Variants in RTN3 observed in about 807,000 individuals in gnomAD.
RTN3 encodes reticulon-3.
A neutral mutation model predicts 77.8 loss-of-function variants in RTN3; 49 were observed. The ratio of observed to expected loss-of-function variants is 0.63; its 90% CI spans 0.50 to 0.80. The LOEUF (loss-of-function observed/expected upper bound fraction) is 0.80, where lower values mean the gene tolerates loss of function less well. Among genes scored for constraint, RTN3 ranks in the 30% least tolerant of loss-of-function variants. RTN3 has a pLI of 0.00. For synonymous variants in RTN3, 464 were observed against 446.9 expected, an observed-to-expected ratio of 1.04 and a Z score of -0.48; for missense variants, 1,236 against 1,211.9, an observed-to-expected ratio of 1.02 and a Z score of -0.29.
chr11:63,744,714 G>C (rs2013696229), intron 3 of RTN3, among the ~76,000 whole-genome samples: 1 of 152,102 alleles, frequency 6.6e-6, no homozygotes, highest in Non-Finnish European at 1.5e-5. Flanking sequence ...AGTTTCTGCT[G>C]GTCGCTGTGG....
At chr11:63,734,605 A>G (rs763117465) in intron 3 of RTN3, among the ~76,000 whole-genome samples, 2 of 151,198 alleles carry the variant, frequency 1.3e-5, no homozygotes, top group African/African-American at 2.4e-5. Context: ...GGTGGCACAC[A>G]CCTGTAATCC....
intron 3 of RTN3, among the ~76,000 whole-genome samples, chr11:63,748,661 C>CTTTTTT: frequency 9.4e-6 from 1 of 105,882 alleles, no homozygotes; most frequent in Non-Finnish European, 1.9e-5. Context: ...GCCCCACTCA[C>CTTTTTT]TTTTTTTTTT....
At chr11:63,743,609 G>A (rs2013615690) in intron 3 of RTN3, among the ~76,000 whole-genome samples, 1 of 152,046 alleles carries the variant, frequency 6.6e-6, no homozygotes, top group Non-Finnish European at 1.5e-5. Flanking sequence ...CTAAATTTTT[G>A]TTAAGAATTT....
chr11:63,749,609 T>C (rs1464162889), intron 3 of RTN3, among the ~76,000 whole-genome samples: 1 of 152,218 alleles, frequency 6.6e-6, no homozygotes, highest in Non-Finnish European at 1.5e-5. Flanking sequence ...CCCGGTGTAT[T>C]TCCATAGCTG....
In RTN3 at chr11:63,687,910, A is replaced by G. The variant is rs185927194; in HGVS notation, c.142+6132A>G. Among the ~76,000 whole-genome samples the G allele has an allele frequency of 2.5e-3, 378 of 152,218 alleles. 6 individuals carry two copies. The highest frequency in any genetic ancestry group is 0.023 in the Admixed American group (348 of 15,296). On this transcript the variant is annotated intron_variant, in intron 1 of 8. Transcript: ENST00000377819. ...TGTTATGCCTTTTTTCCCTTTCCAC[A>G]TGTGAGTCAGTTGTTTCAGTTTGTG... is the stretch of plus-strand genomic sequence containing the variant.
chr11:63,742,570 T>C lies in RTN3; in HGVS notation c.2531-7421T>C, dbSNP rs534840448. On this transcript the variant is annotated intron_variant, in intron 3 of 8. Transcript: ENST00000377819. ...CTCAGGCAGGAGAGTCGCTTGAACCTGGATGCGGAGGTTGCATTGAGCCGA... is the reference window on the plus strand; with the variant it reads ...CTCAGGCAGGAGAGTCGCTTGAACCCGGATGCGGAGGTTGCATTGAGCCGA... 3.4e-4 allele frequency among the ~76,000 whole-genome samples: 51 copies of C among 151,834 alleles called. 1 individual carries two copies. Among genetic ancestry groups the C allele is most frequent in the African/African-American group, 1.2e-3 (50 of 41,478 alleles).
At chr11:63,752,711 GA>G in intron 5 of RTN3, 66 bp downstream of exon 5, 7 of 1,521,856 alleles carry the variant, frequency 4.6e-6, no homozygotes, top group Non-Finnish European at 6.3e-6. Flanking sequence ...TAATTTGGAG[GA>G]AAAACAGTAC....
intron 3 of RTN3, among the ~76,000 whole-genome samples, chr11:63,727,008 G>A (rs1194086192): frequency 6.6e-6 from 1 of 152,112 alleles, no homozygotes; most frequent in African/African-American, 2.4e-5. Flanking sequence ...TGGGCAGCAT[G>A]GTGAAACCCC....
intron 3 of RTN3, among the ~76,000 whole-genome samples, chr11:63,722,732 G>C (rs546207417): frequency 6.6e-6 from 1 of 152,320 alleles, no homozygotes; most frequent in South Asian, 2.1e-4. Context: ...GCTGTGTCTA[G>C]AAGTATGACT....
At chr11:63,721,574 CAAAA>C (rs768609092) in intron 3 of RTN3, among the ~76,000 whole-genome samples, 3 of 55,510 alleles carry the variant, frequency 5.4e-5, no homozygotes, top group Admixed American at 2.0e-4. Flanking sequence ...GACTCTGTCT[CAAAA>C]AAAAAAAAAA....
Position 63,694,164 on chromosome 11 carries a change from TATTA to T in RTN3, c.143-10678_143-10675del, listed in dbSNP as rs577951042. Among the ~76,000 whole-genome samples, 454 of 152,106 alleles carry T rather than the reference TATTA, an allele frequency of 3.0e-3. 2 individuals carry two copies. The highest frequency in any genetic ancestry group is 0.011 in the African/African-American group (443 of 41,488). ...TATTAAGATATATTTGTAACCAGTT[TATTA>T]ATTAATTATGGTTTTTTTTTTTTCT... is the stretch of plus-strand genomic sequence containing the variant. On this transcript the variant is annotated intron_variant, in intron 1 of 8. Transcript: ENST00000377819.
intron 3 of RTN3, among the ~76,000 whole-genome samples, chr11:63,737,491 C>T (rs970676026): frequency 1.3e-5 from 2 of 152,012 alleles, no homozygotes; most frequent in East Asian, 3.9e-4. Flanking sequence ...GCACCCGTAG[C>T]CCCAGCTGTT....
At chr11:63,714,023 A>G (rs1398511277) in intron 2 of RTN3, 1 of 518,656 alleles carries the variant, frequency 1.9e-6, no homozygotes, top group East Asian at 5.4e-5. Context: ...ACCAATTGGA[A>G]GAGTCTTTGC....
intron 7 of RTN3, 42 bp from the exon 8 acceptor site, chr11:63,756,070 T>C: frequency 7.0e-7 from 1 of 1,423,360 alleles, no homozygotes; most frequent in South Asian, 1.1e-5. Flanking sequence ...AAATTGGTGA[T>C]CTGTATGTTA....
chr11:63,751,767 A>T (rs552605394), intron 4 of RTN3, among the ~76,000 whole-genome samples: 4 of 152,302 alleles, frequency 2.6e-5, no homozygotes, highest in African/African-American at 9.6e-5. Flanking sequence ...TGAGGCAGGC[A>T]GATCGCTTGA....
chr11:63,686,040 T>A (rs960411839), intron 1 of RTN3, among the ~76,000 whole-genome samples: 2 of 152,050 alleles, frequency 1.3e-5, no homozygotes, highest in Non-Finnish European at 2.9e-5. Flanking sequence ...AAATTTGAGG[T>A]TGAGGTAAAA....
Position 63,719,303 on chromosome 11 carries a change from G to A in RTN3, c.801G>A (p.Glu267=), listed in dbSNP as rs1223738944. 32 of 1,614,008 alleles carry A rather than the reference G, an allele frequency of 2.0e-5. No homozygotes were observed. The highest frequency in any genetic ancestry group is 2.6e-5 in the Non-Finnish European group (31 of 1,180,040). The stretch of plus-strand genomic sequence containing the variant: ...AAGAATTTAAAGACTCATATAAGGA[G>A]AGCACAGATGATTTTGGTAGCTGGT... The part of the protein sequence containing the change: ...FDKEFKDSYK[E]STDDFGSWSV... Residue 267 remains glutamate, a synonymous_variant, in exon 3 of 9, where the codon GAG becomes GAA. Coordinates refer to ENST00000377819, the MANE Select transcript of RTN3 (RefSeq NM_001265589.2).
chr11:63,699,952 C>G (rs145769323), intron 1 of RTN3, among the ~76,000 whole-genome samples: 98 of 152,262 alleles, frequency 6.4e-4, no homozygotes, highest in Admixed American at 1.3e-3. Flanking sequence ...CCCTGTGACA[C>G]AAATACAGAA....
At chr11:63,734,434 A>G (rs2012924997) in intron 3 of RTN3, among the ~76,000 whole-genome samples, 1 of 150,786 alleles carries the variant, frequency 6.6e-6, no homozygotes, top group Non-Finnish European at 1.5e-5. Flanking sequence ...GTAACAAATC[A>G]AGACTGTCTC....
Sources: gnomAD v4.1 joint callset for allele counts (sites outside exome capture counted in the v4.1 genomes callset) on GRCh38, gnomAD v4.1.1 for gene constraint, MANE v1.5 for transcripts, NCBI Gene and HGNC (gene_info 2026-07-23, HGNC 2026-07-21) for gene names.